Variants in CASZ1 observed in about 807,000 individuals in gnomAD.
The protein encoded by CASZ1 is castor zinc finger 1, also known as zinc finger protein castor homolog 1.
Under a neutral mutation model 135.2 loss-of-function variants are expected in CASZ1, and 28 were observed. That is an observed-to-expected ratio of 0.21 (90% confidence interval 0.15 to 0.28). The LOEUF is 0.28. Among genes scored for constraint, CASZ1 ranks in the 10% least tolerant of loss-of-function variants. The probability of loss-of-function intolerance (pLI) is 1.00; values close to 1 mark genes in which losing one functional copy is unlikely to be tolerated. For synonymous variants in CASZ1, 1,068 were observed against 1,073.4 expected (o/e 0.99, Z 0.10); for missense variants, 2,161 against 2,453.3 (o/e 0.88, Z 2.52).
chr1:10,791,744 GGAGAGA>G (rs34741257), intron 1 of CASZ1, among the ~76,000 whole-genome samples: 6 of 151,284 alleles, frequency 4.0e-5, no homozygotes, highest in African/African-American at 1.5e-4. Flanking sequence ...AAAAAGAGGG[GGAGAGA>G]GAGAGAGAGA....
In CASZ1 at chr1:10,711,617, C is replaced by T. The variant is rs1639287877; in HGVS notation, c.-76-6073G>A. Among the ~76,000 whole-genome samples, 1 of 149,442 alleles carries T rather than the reference C, an allele frequency of 6.7e-6. No individual in the cohort carries two copies. Among genetic ancestry groups the T allele is most frequent in the South Asian group, 2.1e-4 (1 of 4,726 alleles). On this transcript the variant is annotated intron_variant, in intron 2 of 20. Transcript: ENST00000377022. This position sits in a 1 kb window ranked among gnomAD's most constrained non-coding sequence, Gnocchi z 4.4. ...AAAAAAAAAAGAAAAACAAACAAAACCTTGTGCATGAATGTTCATAGCAGC... is the reference window on the plus strand; with the variant it reads ...AAAAAAAAAAGAAAAACAAACAAAATCTTGTGCATGAATGTTCATAGCAGC...
chr1:10,683,298 A>G (rs1256498368), intron 4 of CASZ1, among the ~76,000 whole-genome samples: 2 of 152,144 alleles, frequency 1.3e-5, no homozygotes, highest in Non-Finnish European at 2.9e-5. Context: ...CTACACTGGG[A>G]AAGAAGCTGG....
At chr1:10,750,597 G>A (rs548882088) in intron 2 of CASZ1, among the ~76,000 whole-genome samples, 5 of 152,154 alleles carry the variant, frequency 3.3e-5, no homozygotes, top group South Asian at 4.2e-4. Flanking sequence ...ATCAGTTTGC[G>A]CACTTATAGA....
In CASZ1 at chr1:10,700,217, G is replaced by C. The variant is rs570169287; in HGVS notation, c.-24+5275C>G. Among the ~76,000 whole-genome samples the C allele has an allele frequency of 6.6e-6, 1 of 152,308 alleles. No individual in the cohort carries two copies. Among genetic ancestry groups the C allele is most frequent in the African/African-American group, 2.4e-5 (1 of 41,578 alleles). The stretch of plus-strand genomic sequence containing the variant: ...GGGACCTGTTCTGGAATGTTGGGTT[G>C]GCATTTTGTCTCAGTTACAATGATC... On this transcript the variant is annotated intron_variant, in intron 3 of 20. Coordinates refer to ENST00000377022, the MANE Select transcript of CASZ1 (RefSeq NM_001079843.3). The surrounding 1 kb of genome is among the most constrained non-coding windows in gnomAD (Gnocchi z 4.2).
At chr1:10,795,258 C>T (rs11577258) in intron 1 of CASZ1, among the ~76,000 whole-genome samples, 15,582 of 152,080 alleles carry the variant, frequency 0.1, 1,473 homozygotes, top group East Asian at 0.56. Context: ...TCAGTCACCA[C>T]GCTCTCCTTT....
chr1:10,678,756 C>A (rs968515292), intron 4 of CASZ1, among the ~76,000 whole-genome samples: 11 of 152,206 alleles, frequency 7.2e-5, no homozygotes, highest in Middle Eastern at 3.4e-3. Context: ...AGGTCACCCC[C>A]ATCCGTCCCC....
intron 18 of CASZ1, among the ~76,000 whole-genome samples, chr1:10,644,083 C>T (rs932805349): frequency 3.3e-5 from 5 of 152,216 alleles, no homozygotes; most frequent in Non-Finnish European, 7.3e-5. Flanking sequence ...TCACCTTTCA[C>T]TTTTGGAAGG....
chr1:10,766,083 T>C (rs1391514181), intron 1 of CASZ1, among the ~76,000 whole-genome samples: 1 of 152,010 alleles, frequency 6.6e-6, no homozygotes, highest in African/African-American at 2.4e-5. Context: ...TGGGGAGACA[T>C]GCTCCACCCA....
rs928256381 is a variant in CASZ1 at position 10,777,921 on chromosome 1, A to G, written c.-233-17064T>C. 6.6e-6 allele frequency among the ~76,000 whole-genome samples: 1 copy of G among 152,058 alleles called. No homozygotes were observed. The highest frequency in any genetic ancestry group is 1.5e-5 in the Non-Finnish European group (1 of 68,014). ...CAAAATCTCACACACAGGCACACAC[A>G]GTCTTCCACACCATTTCACACTATG... is the stretch of plus-strand genomic sequence containing the variant. On this transcript the variant is annotated intron_variant, in intron 1 of 20. Coordinates refer to ENST00000377022, the MANE Select transcript of CASZ1 (RefSeq NM_001079843.3). The surrounding 1 kb of genome is among the most constrained non-coding windows in gnomAD (Gnocchi z 4.4).
Position 10,776,336 on chromosome 1 carries a change from C to A in CASZ1, c.-233-15479G>T, listed in dbSNP as rs41307747. 0.073 allele frequency among the ~76,000 whole-genome samples: 11,092 copies of A among 152,308 alleles called. 549 individuals are homozygous for A. Among genetic ancestry groups the A allele is most frequent in the South Asian group, 0.23 (1,112 of 4,824 alleles). ...TGGCTTCAAAATCATTCCTCCCAGG[C>A]TCTGCCCTTCCCAAGCCCCCACAGC... On this transcript the variant is annotated intron_variant, in intron 1 of 20. Coordinates refer to ENST00000377022, the MANE Select transcript of CASZ1 (RefSeq NM_001079843.3). The surrounding 1 kb of genome is among the most constrained non-coding windows in gnomAD (Gnocchi z 4.1).
intron 2 of CASZ1, among the ~76,000 whole-genome samples, chr1:10,752,075 G>A (rs1640160438): frequency 6.6e-6 from 1 of 152,190 alleles, no homozygotes; most frequent in Admixed American, 6.5e-5. Flanking sequence ...CACCCTGCAG[G>A]GCACACCCTC....
chr1:10,740,401 G>C (rs1387660738), intron 2 of CASZ1, among the ~76,000 whole-genome samples: 1 of 152,230 alleles, frequency 6.6e-6, no homozygotes, highest in Non-Finnish European at 1.5e-5. Context: ...GGGAGAGTGA[G>C]GTCCTGGGGA....
rs543817093 is a variant in CASZ1 at position 10,742,404 on chromosome 1, C to T, written c.-77+18297G>A. ...AGACAGTGAATTCTCGGCTCGGACG[C>T]GGGGCTTGGTGTGTAGCTGGTCCAG... On this transcript the variant is annotated intron_variant, in intron 2 of 20. Coordinates refer to ENST00000377022, the MANE Select transcript of CASZ1 (RefSeq NM_001079843.3). Among the ~76,000 whole-genome samples, 15 of 152,202 alleles carry T rather than the reference C, an allele frequency of 9.9e-5. 1 individual carries two copies. The highest frequency in any genetic ancestry group is 7.7e-4 in the East Asian group (4 of 5,182).
At position 10,654,599 on chromosome 1, in the gene CASZ1, G is replaced by A. The variant is rs1425126311; in HGVS notation, c.1666-8C>T. On this transcript the variant is annotated splice_region_variant and splice_polypyrimidine_tract_variant and intron_variant, in intron 9 of 20. Transcript: ENST00000377022. ...CACCTTGTTACAGCCCACCTGCACA[G>A]GACGGGATGGTGGTCAGGCGAACGG... is the stretch of plus-strand genomic sequence containing the variant. 3 of 1,612,410 alleles carry A rather than the reference G, an allele frequency of 1.9e-6. No homozygotes were observed. The highest frequency in any genetic ancestry group is 2.5e-6 in the Non-Finnish European group (3 of 1,178,674).
chr1:10,639,541 C>G lies in CASZ1; in HGVS notation c.4681G>C (p.Asp1561His), dbSNP rs1476262727. 1.2e-6 allele frequency: 2 copies of G among 1,610,638 alleles called. No homozygotes were observed. The highest frequency in any genetic ancestry group is 1.7e-6 in the Non-Finnish European group (2 of 1,178,356). ...GAGCACTTGAGCTTGTACTTGCAGT[C>G]GGGCACGGCGCAGTCGGCGCTGGAG... ...FSSSADCAVP[D>H]CKYKLKCSHF... Residue 1561 changes from aspartate to histidine, a missense_variant, in exon 21 of 21, where the codon GAC becomes CAC. By Grantham distance (81) the Asp-to-His change is moderately conservative. Transcript: ENST00000377022. The surrounding 1 kb of genome is among the most constrained non-coding windows in gnomAD (Gnocchi z 4.0).
chr1:10,678,986 G>A (rs540818972), intron 4 of CASZ1, among the ~76,000 whole-genome samples: 6 of 152,136 alleles, frequency 3.9e-5, no homozygotes, highest in African/African-American at 7.2e-5. Flanking sequence ...ACAGACGCCC[G>A]TCTGCCCGCC....
rs1256031456 is a variant in CASZ1, at chr1:10,757,059, C to T, written c.-77+3642G>A. 6.6e-6 allele frequency among the ~76,000 whole-genome samples: 1 copy of T among 152,178 alleles called. No homozygotes were observed. Among genetic ancestry groups the T allele is most frequent in the African/African-American group, 2.4e-5 (1 of 41,446 alleles). On this transcript the variant is annotated intron_variant, in intron 2 of 20. Coordinates refer to ENST00000377022, the MANE Select transcript of CASZ1 (RefSeq NM_001079843.3). The surrounding 1 kb of genome is among the most constrained non-coding windows in gnomAD (Gnocchi z 4.6). The stretch of plus-strand genomic sequence containing the variant: ...GTGTCCTGGCCTGCTCCCAGGCTCA[C>T]TCCTGAAAACGGTGTCGGAGAGAAG...
At chr1:10,649,717 A>C in intron 13 of CASZ1, 1 of 410,382 alleles carries the variant, frequency 2.4e-6, no homozygotes, top group Non-Finnish European at 4.4e-6. Context: ...GCCGCGACTC[A>C]GGGTGCACGC....
Position 10,788,078 on chromosome 1 carries a change from C to T in CASZ1, c.-234+8486G>A, listed in dbSNP as rs1350707757. Among the ~76,000 whole-genome samples the T allele has an allele frequency of 6.6e-6, 1 of 152,138 alleles. No homozygotes were observed. The highest frequency in any genetic ancestry group is 1.9e-4 in the East Asian group (1 of 5,204). ...ACCGTTGCTCAAACATCTTAGAATC[C>T]CAGAGAACGTTAGCTGGATACGGGG... On this transcript the variant is annotated intron_variant, in intron 1 of 20. Coordinates refer to ENST00000377022, the MANE Select transcript of CASZ1 (RefSeq NM_001079843.3). The surrounding 1 kb of genome is among the most constrained non-coding windows in gnomAD (Gnocchi z 4.1).
Sources: allele counts gnomAD v4.1 joint callset (sites outside exome capture counted in the v4.1 genomes callset), GRCh38; gene constraint gnomAD v4.1.1; non-coding constraint Gnocchi (gnomAD v3.1); transcripts MANE v1.5; gene names NCBI Gene and HGNC (gene_info 2026-07-23, HGNC 2026-07-21).